SYT9: variants seen among roughly 807,000 people sequenced by gnomAD.
The protein encoded by SYT9 is synaptotagmin 9, also known as synaptotagmin-9.
A neutral mutation model predicts 48.4 loss-of-function variants in SYT9; 22 were observed. That is an observed-to-expected ratio of 0.45 (90% CI 0.32 to 0.65). The LOEUF is 0.65. SYT9 is among the 30% of genes least tolerant of loss of function. The probability of loss-of-function intolerance (pLI) is 0.03; values close to 1 mark genes in which losing one functional copy is unlikely to be tolerated. For synonymous variants in SYT9, 265 were observed against 245.0 expected, an observed-to-expected ratio of 1.08 and a Z score of -0.76; for missense variants, 577 against 622.0, an observed-to-expected ratio of 0.93 and a Z score of 0.77.
intron 3 of SYT9, among the ~76,000 whole-genome samples, chr11:7,402,837 A>G (rs1235633373): frequency 6.6e-6 from 1 of 152,148 alleles, no homozygotes; most frequent in Non-Finnish European, 1.5e-5. Flanking sequence ...GTAATTGTCA[A>G]TGTTTAAATC....
chr11:7,247,550 C>T (rs371353042), upstream of SYT9, among the ~76,000 whole-genome samples: 4 of 138,126 alleles, frequency 2.9e-5, no homozygotes, highest in Admixed American at 7.7e-5. Context: ...TACACGTATA[C>T]ATGTATATAC....
Position 7,287,339 on chromosome 11 carries a change from G to C in SYT9, c.146-15700G>C, listed in dbSNP as rs191797790. ...CCCATGATTCAATTACTTCCCACTG[G>C]GTCACTCCCATGATATGTGGGGATT... On this transcript the variant is annotated intron_variant, in intron 1 of 6. Coordinates refer to ENST00000318881, the MANE Select transcript of SYT9 (RefSeq NM_175733.4). Among the ~76,000 whole-genome samples the C allele has an allele frequency of 1.3e-3, 201 of 152,140 alleles. 1 individual carries two copies. Among genetic ancestry groups the C allele is most frequent in the Admixed American group, 3.9e-3 (59 of 15,298 alleles).
chr11:7,285,991 G>T (rs1437528045), intron 1 of SYT9, among the ~76,000 whole-genome samples: 1 of 152,146 alleles, frequency 6.6e-6, no homozygotes, highest in Non-Finnish European at 1.5e-5. Flanking sequence ...TCACGGGCAG[G>T]TGTTTAGTGC....
chr11:7,418,079 G>A lies in SYT9; in HGVS notation c.1288G>A (p.Glu430Lys), dbSNP rs756536333. 8.7e-6 allele frequency: 14 copies of A among 1,613,884 alleles called. No individual in the cohort carries two copies. Among genetic ancestry groups the A allele is most frequent in the East Asian group, 2.2e-5 (1 of 44,886 alleles). Residue 430 changes from glutamate (E) to lysine (K), a missense_variant, in exon 5 of 7, where the codon GAG becomes AAG. Coordinates refer to ENST00000318881, the MANE Select transcript of SYT9 (RefSeq NM_175733.4). ...NEAIVFDVPP[E>K]NIDQIHLSIA... ...AGCCATAGTCTTTGATGTCCCTCCCGAGAACATTGACCAAATCCACTTGTC... is the reference window on the plus strand; with the variant it reads ...AGCCATAGTCTTTGATGTCCCTCCCAAGAACATTGACCAAATCCACTTGTC...
At chr11:7,441,055 A>T (rs1010045092) in intron 6 of SYT9, 4 of 152,246 alleles carry the variant, frequency 2.6e-5, no homozygotes, top group Non-Finnish European at 4.4e-5. Flanking sequence ...GTCCTAATGC[A>T]TCCTGCAGAG....
At chr11:7,447,796 A>ATC (rs1355999470) in intron 6 of SYT9, among the ~76,000 whole-genome samples, 1 of 152,194 alleles carries the variant, frequency 6.6e-6, no homozygotes, top group Non-Finnish European at 1.5e-5. Context: ...CAGATACTGT[A>ATC]TCTCATTCAT....
intron 1 of SYT9, among the ~76,000 whole-genome samples, chr11:7,301,449 C>T (rs548162673): frequency 6.6e-6 from 1 of 152,322 alleles, no homozygotes; most frequent in Admixed American, 6.5e-5. Flanking sequence ...AAGTGACTTG[C>T]AGGAGGGGTT....
chr11:7,252,395 C>CG lies in SYT9; in HGVS notation c.145+68dup. The CG allele has an allele frequency of 7.4e-7, 1 of 1,355,348 alleles. No individual in the cohort carries two copies. The highest frequency in any genetic ancestry group is 9.5e-7 in the Non-Finnish European group (1 of 1,053,276). The allele number at this position is 1,355,348 out of a possible 1,614,324, so 84.0% of individuals were successfully genotyped here. On this transcript the variant is annotated intron_variant, in intron 1 of 6. Coordinates refer to ENST00000318881, the MANE Select transcript of SYT9 (RefSeq NM_175733.4). This position sits in a 1 kb window ranked among gnomAD's most constrained non-coding sequence, Gnocchi z 6.3. Reference sequence around the variant, plus strand: ...CCTGGGCTGGGACTTGGGGCCGCACCGGGGCCTGAGGCAGAACAGCGACGC... The same window carrying CG: ...CCTGGGCTGGGACTTGGGGCCGCACCGGGGGCCTGAGGCAGAACAGCGACGC...
intron 6 of SYT9, among the ~76,000 whole-genome samples, chr11:7,463,153 T>C (rs1848263933): frequency 6.6e-6 from 1 of 152,114 alleles, no homozygotes; most frequent in African/African-American, 2.4e-5. Context: ...GCCCACCAGG[T>C]CTCATAACAA....
In SYT9 at chr11:7,313,485, T is replaced by C; in HGVS notation, c.588T>C (p.Gly196=). ...AACAGGAACAGTTGACTGGAATTGG[T>C]AGAATTAAACCAGAGTTATATAAGC... ...LQKQEQLTGI[G]RIKPELYKQR... The change falls in exon 3 of 7, where the codon GGT becomes GGC. Residue 196 remains glycine, a synonymous_variant. Coordinates refer to ENST00000318881, the MANE Select transcript of SYT9 (RefSeq NM_175733.4). The C allele has an allele frequency of 6.2e-7, 1 of 1,614,092 alleles. No homozygotes were observed. Among genetic ancestry groups the C allele is most frequent in the Non-Finnish European group, 8.5e-7 (1 of 1,180,000 alleles).
At chr11:7,440,820 T>C (rs896439670) in intron 6 of SYT9, 1 of 152,218 alleles carries the variant, frequency 6.6e-6, no homozygotes, top group Admixed American at 6.5e-5. Flanking sequence ...CATGGGGGAC[T>C]ATGTTGCTTA....
intron 1 of SYT9, among the ~76,000 whole-genome samples, chr11:7,253,611 GT>G (rs1847913675): frequency 1.3e-5 from 2 of 151,962 alleles, no homozygotes; most frequent in Non-Finnish European, 2.9e-5. Context: ...AAAAAATATT[GT>G]TTTCCATTGC....
At chr11:7,342,464 C>A (rs1564869470) in intron 3 of SYT9, among the ~76,000 whole-genome samples, 1 of 152,176 alleles carries the variant, frequency 6.6e-6, no homozygotes, top group Non-Finnish European at 1.5e-5. Context: ...GCAGAGCAGT[C>A]AAATCTTAAA....
At chr11:7,459,200 T>C (rs1210181142) in intron 6 of SYT9, among the ~76,000 whole-genome samples, 1 of 152,254 alleles carries the variant, frequency 6.6e-6, no homozygotes, top group African/African-American at 2.4e-5. Context: ...AGCACCTATG[T>C]GGGATGATCA....
intron 3 of SYT9, among the ~76,000 whole-genome samples, chr11:7,319,712 C>A (rs1396009336): frequency 6.6e-6 from 1 of 152,162 alleles, no homozygotes; most frequent in Admixed American, 6.5e-5. Flanking sequence ...GGGATAATAT[C>A]TGTTTAATAA....
At chr11:7,301,431 C>T (rs559078973) in intron 1 of SYT9, among the ~76,000 whole-genome samples, 1 of 152,274 alleles carries the variant, frequency 6.6e-6, no homozygotes, top group South Asian at 2.1e-4. Flanking sequence ...CAGCTTGACT[C>T]AGTAGGTAAG....
rs116198035 is a variant in SYT9, at chr11:7,305,301, C to T, written c.497+1911C>T. Among the ~76,000 whole-genome samples the T allele has an allele frequency of 5.7e-3, 861 of 152,274 alleles. 11 individuals are homozygous for T. The highest frequency in any genetic ancestry group is 0.019 in the African/African-American group (806 of 41,562). On this transcript the variant is annotated intron_variant, in intron 2 of 6. Coordinates refer to ENST00000318881, the MANE Select transcript of SYT9 (RefSeq NM_175733.4). ...CAATATCTGAACTACTATAAGAAAACTACTCTTTTCTAGCTGCATTTGACC... is the reference window on the plus strand; with the variant it reads ...CAATATCTGAACTACTATAAGAAAATTACTCTTTTCTAGCTGCATTTGACC...
At chr11:7,333,330 G>C (rs1339278531) in intron 3 of SYT9, among the ~76,000 whole-genome samples, 1 of 152,186 alleles carries the variant, frequency 6.6e-6, no homozygotes, top group Non-Finnish European at 1.5e-5. Flanking sequence ...CCACTGCTTT[G>C]CTAAAGACAT....
intron 1 of SYT9, among the ~76,000 whole-genome samples, chr11:7,266,173 G>A (rs1848177449): frequency 6.6e-6 from 1 of 151,978 alleles, no homozygotes; most frequent in Admixed American, 6.6e-5. Context: ...ATTTCAGAGG[G>A]AATGAGAAAA....
Sources: gnomAD v4.1 joint callset for allele counts (sites outside exome capture counted in the v4.1 genomes callset) on GRCh38, gnomAD v4.1.1 for gene constraint, Gnocchi (gnomAD v3.1) non-coding constraint, MANE v1.5 for transcripts, NCBI Gene and HGNC (gene_info 2026-07-23, HGNC 2026-07-21) for gene names.